The following THSD4 variants were observed in gnomAD, a reference collection of about 807,000 sequenced individuals.
The protein encoded by THSD4 is thrombospondin type 1 domain containing 4, also known as thrombospondin type-1 domain-containing protein 4.
In THSD4, 69 loss-of-function variants were observed where a neutral mutation model predicts 119.0. The observed-to-expected ratio is 0.58, with a 90% CI of 0.48 to 0.71. THSD4 has a LOEUF of 0.71. THSD4 is among the 30% of genes least tolerant of loss of function. The pLI, the probability that THSD4 is intolerant of heterozygous loss-of-function variation, is 0.00. For synonymous variants in THSD4, 524 were observed against 540.4 expected (o/e 0.97, Z 0.42); for missense variants, 1,393 against 1,391.1 (o/e 1.00, Z -0.02).
chr15:71,227,515 A>G (rs8035230), intron 4 of THSD4, among the ~76,000 whole-genome samples: 83,723 of 152,076 alleles, frequency 0.55, 23,787 homozygotes, highest in Admixed American at 0.64. Flanking sequence ...TGCTCATCCT[A>G]CCTGCAGGAG....
At chr15:71,597,246 A>G (rs2049921790) in intron 7 of THSD4, among the ~76,000 whole-genome samples, 2 of 152,164 alleles carry the variant, frequency 1.3e-5, no homozygotes, top group South Asian at 2.1e-4. Context: ...TCCTGTCTCA[A>G]GTAGGCAAGA....
intron 1 of THSD4, among the ~76,000 whole-genome samples, chr15:71,123,471 G>A (rs1242824065): frequency 1.3e-5 from 2 of 152,238 alleles, no homozygotes; most frequent in Non-Finnish European, 2.9e-5. Context: ...GTCTGCTCAA[G>A]CCTACAATGC....
chr15:71,353,566 G>C (rs1036427190), intron 6 of THSD4, among the ~76,000 whole-genome samples: 7 of 152,206 alleles, frequency 4.6e-5, no homozygotes, highest in African/African-American at 1.7e-4. Flanking sequence ...TGAGCTTCCA[G>C]GGATCCAGGA....
At position 71,561,702 on chromosome 15, in the gene THSD4, T is replaced by C. The variant is rs959236018; in HGVS notation, c.1153-98828T>C. Among the ~76,000 whole-genome samples the C allele has an allele frequency of 4.6e-5, 7 of 152,172 alleles. No homozygotes were observed. The East Asian group carries it at 1.4e-3, about 29-fold the overall frequency. ...GGAGAAGAAAATATGTAGGATGCTT[T>C]AAAATGGAATGACAGAGTGAGCAGT... On this transcript the variant is annotated intron_variant, in intron 7 of 17. Coordinates refer to ENST00000261862, the MANE Select transcript of THSD4 (RefSeq NM_024817.3).
chr15:71,133,423 G>A (rs1349347285), intron 1 of THSD4, among the ~76,000 whole-genome samples: 4 of 152,192 alleles, frequency 2.6e-5, no homozygotes, highest in Admixed American at 1.3e-4. Flanking sequence ...GGGAACACCT[G>A]CTGCACCCCA....
At chr15:71,657,293 C>A (rs956900477) in intron 7 of THSD4, among the ~76,000 whole-genome samples, 3 of 152,116 alleles carry the variant, frequency 2.0e-5, no homozygotes, top group Non-Finnish European at 4.4e-5. Context: ...GTGTTTCGAT[C>A]TTGTCATGGC....
chr15:71,723,977 G>T (rs1267652179), intron 8 of THSD4, among the ~76,000 whole-genome samples: 1 of 151,298 alleles, frequency 6.6e-6, no homozygotes, highest in Non-Finnish European at 1.5e-5. Flanking sequence ...CATTGCTTGA[G>T]CCTGGGAGGA....
intron 10 of THSD4, among the ~76,000 whole-genome samples, chr15:71,736,433 G>A (rs1301354376): frequency 7.2e-6 from 1 of 138,616 alleles, no homozygotes; most frequent in African/African-American, 2.7e-5. Context: ...TGCTGTCTTT[G>A]TCTCTCTCTT....
chr15:71,511,469 C>T (rs896288640), intron 7 of THSD4, among the ~76,000 whole-genome samples: 2 of 152,070 alleles, frequency 1.3e-5, no homozygotes, highest in East Asian at 3.9e-4. Flanking sequence ...TTCCTTCCTC[C>T]CAGGAAAAAG....
At chr15:71,182,211 G>C (rs970804537) in intron 3 of THSD4, among the ~76,000 whole-genome samples, 2 of 151,668 alleles carry the variant, frequency 1.3e-5, no homozygotes, top group African/African-American at 4.8e-5. Context: ...TATTTCTTTT[G>C]TTCTAGAGTT....
chr15:71,315,237 C>G (rs2140354336), intron 6 of THSD4, among the ~76,000 whole-genome samples: 1 of 152,374 alleles, frequency 6.6e-6, no homozygotes, highest in South Asian at 2.1e-4. Context: ...CACCTGTGCT[C>G]TGGGCTGGCT....
chr15:71,745,334 G>T (rs2141168664), intron 12 of THSD4, 99 bp downstream of exon 12: 1 of 1,448,330 alleles, frequency 6.9e-7, no homozygotes, highest in Non-Finnish European at 9.3e-7. Context: ...CTAAATCTGA[G>T]TTAGAAATAC....
chr15:71,353,360 A>G (rs2045767883), intron 6 of THSD4, among the ~76,000 whole-genome samples: 1 of 152,188 alleles, frequency 6.6e-6, no homozygotes, highest in South Asian at 2.1e-4. Context: ...TTTTATTAGC[A>G]AACACTTAAT....
chr15:71,574,100 T>C (rs1227892277), intron 7 of THSD4, among the ~76,000 whole-genome samples: 2 of 152,204 alleles, frequency 1.3e-5, no homozygotes, highest in Non-Finnish European at 2.9e-5. Flanking sequence ...AGTACCTCAG[T>C]GCACAGTAGA....
At chr15:71,398,338 A>C (rs559682665) in intron 6 of THSD4, among the ~76,000 whole-genome samples, 32 of 152,222 alleles carry the variant, frequency 2.1e-4, no homozygotes, top group African/African-American at 7.5e-4. Context: ...GTATAAAGCT[A>C]CAACAGGTTC....
intron 7 of THSD4, among the ~76,000 whole-genome samples, chr15:71,444,235 A>G (rs975345089): frequency 1.3e-5 from 2 of 152,188 alleles, no homozygotes; most frequent in African/African-American, 4.8e-5. Context: ...AACTGGTGCC[A>G]AAAAGGGATG....
chr15:71,547,805 A>G (rs1195709307), intron 7 of THSD4: 1 of 197,344 alleles, frequency 5.1e-6, no homozygotes, highest in Non-Finnish European at 1.0e-5. Context: ...GCCATGTCAG[A>G]TTTCGTTAGG....
chr15:71,553,802 A>G (rs962314131), intron 7 of THSD4, among the ~76,000 whole-genome samples: 1 of 152,190 alleles, frequency 6.6e-6, no homozygotes, highest in African/African-American at 2.4e-5. Flanking sequence ...GTTTCCATTA[A>G]TCTACTTACA....
intron 7 of THSD4, among the ~76,000 whole-genome samples, chr15:71,442,600 ATGTG>A (rs1296595218): frequency 0.34 from 15,323 of 44,622 alleles, 4,967 homozygotes; most frequent in Non-Finnish European, 0.49. Context: ...ATATATATAT[ATGTG>A]TGTGTGTGTG....
Sources: gnomAD v4.1 joint callset for allele counts (sites outside exome capture counted in the v4.1 genomes callset) on GRCh38, gnomAD v4.1.1 for gene constraint, MANE v1.5 for transcripts, NCBI Gene and HGNC (gene_info 2026-07-23, HGNC 2026-07-21) for gene names.